The following CCDC68 variants were observed in gnomAD, a reference collection of about 807,000 sequenced individuals.
CCDC68 encodes coiled-coil domain containing 68.
CCDC68 carries 45 observed loss-of-function variants against 47.1 expected under a neutral mutation model. The ratio of observed to expected loss-of-function variants is 0.96; its 90% CI spans 0.75 to 1.23. The LOEUF (loss-of-function observed/expected upper bound fraction) is 1.23. Ranked by LOEUF, CCDC68 falls within the 50% of genes most tolerant of loss-of-function variation. CCDC68 has a pLI of 0.00. For missense variants in CCDC68, 353 were observed against 373.6 expected (o/e 0.94, Z 0.45); for synonymous variants, 131 against 129.5 (o/e 1.01, Z -0.08).
intron 1 of CCDC68, among the ~76,000 whole-genome samples, chr18:54,955,608 T>C (rs946700760): frequency 6.6e-6 from 1 of 152,192 alleles, no homozygotes; most frequent in Non-Finnish European, 1.5e-5. Context: ...AGTGGAGATA[T>C]ATAAGAAAAC....
intron 10 of CCDC68, among the ~76,000 whole-genome samples, chr18:54,914,132 T>G (rs1270657276): frequency 6.6e-6 from 1 of 152,218 alleles, no homozygotes; most frequent in Non-Finnish European, 1.5e-5. Flanking sequence ...TGACACATCA[T>G]AAACACACAA....
intron 11 of CCDC68, among the ~76,000 whole-genome samples, chr18:54,905,354 G>A (rs900030227): frequency 2.3e-5 from 2 of 88,882 alleles, no homozygotes; most frequent in Non-Finnish European, 4.8e-5. Context: ...AAGGAGGGTA[G>A]GGGAGGAAGG....
Position 54,928,902 on chromosome 18 carries a change from A to AG in CCDC68, c.601-21_601-20insC, listed in dbSNP as rs2044194313. 1 of 1,481,968 alleles carries AG rather than the reference A, an allele frequency of 6.7e-7. No homozygotes were observed. Among genetic ancestry groups the AG allele is most frequent in the Admixed American group, 1.7e-5 (1 of 59,380 alleles). The allele number at this position is 1,481,968 out of a possible 1,614,324, so 91.8% of individuals were successfully genotyped here. A position where few individuals can be genotyped will look rare whatever the true frequency, so the allele number is the denominator to read the frequency against. ...CTTTTCCTAGGAGAAAATAAGATAC[A>AG]AATTTTGCTAAACTGCATGTGTATG... On this transcript the variant is annotated intron_variant, in intron 7 of 11. Coordinates refer to ENST00000591504, the MANE Select transcript of CCDC68 (RefSeq NM_025214.3).
At chr18:54,950,069 G>T (rs891259459) in intron 1 of CCDC68, among the ~76,000 whole-genome samples, 1 of 152,044 alleles carries the variant, frequency 6.6e-6, no homozygotes, top group African/African-American at 2.4e-5. Context: ...ATCAATTCCG[G>T]TAGCTGCTCT....
chr18:54,924,654 GA>G (rs1400144344), intron 8 of CCDC68, among the ~76,000 whole-genome samples: 1 of 152,188 alleles, frequency 6.6e-6, no homozygotes, highest in Non-Finnish European at 1.5e-5. Flanking sequence ...AATGTGAAAA[GA>G]AATTACTTTG....
chr18:54,957,049 T>C (rs997504320), intron 1 of CCDC68, among the ~76,000 whole-genome samples: 1 of 152,220 alleles, frequency 6.6e-6, no homozygotes, highest in Non-Finnish European at 1.5e-5. Flanking sequence ...TATAATTTAA[T>C]GGATAGATGT....
Position 54,941,010 on chromosome 18 carries a change from T to C in CCDC68, c.191A>G (p.Lys64Arg), listed in dbSNP as rs779228856. 1.2e-6 allele frequency: 2 copies of C among 1,607,670 alleles called. No individual in the cohort carries two copies. The highest frequency in any genetic ancestry group is 1.7e-5 in the Admixed American group (1 of 59,896). The change falls in exon 4 of 12, where the codon AAA (lysine) becomes AGA (arginine). Residue 64 changes from lysine to arginine, a missense_variant. By Grantham distance (26) the Lys-to-Arg change is conservative. Transcript: ENST00000591504. The part of the protein sequence containing the change: ...DEIRHDSTNH[K>R]LDAKHCGNLQ... ...GGAAATTATTACCTTTGCATCTAGT[T>C]TGTGATTTGTACTGTCATGTCTTAT... is the stretch of plus-strand genomic sequence containing the variant.
chr18:54,911,195 G>A (rs115036620), intron 10 of CCDC68, among the ~76,000 whole-genome samples: 2,918 of 150,194 alleles, frequency 0.019, 98 homozygotes, highest in African/African-American at 0.066. Context: ...TTACAAGCAC[G>A]TGCTACCACA....
chr18:54,904,267 T>C lies in CCDC68; in HGVS notation c.*91A>G. The C allele has an allele frequency of 1.0e-6, 1 of 978,848 alleles. No homozygotes were observed. The highest frequency in any genetic ancestry group is 1.6e-6 in the Non-Finnish European group (1 of 619,688). 60.6% of individuals were successfully genotyped at this position (978,848 alleles called of 1,614,324 possible). Reference sequence around the variant, plus strand: ...AATAAGTTCCATTTAAATAATGGCATTTTGCCATTTTAACATGAAACTTGG... The same window carrying C: ...AATAAGTTCCATTTAAATAATGGCACTTTGCCATTTTAACATGAAACTTGG... On this transcript the variant is annotated 3_prime_UTR_variant, in exon 12 of 12. Transcript: ENST00000591504.
At position 54,942,699 on chromosome 18, in the gene CCDC68, A is replaced by G. The variant is rs373635177; in HGVS notation, c.93T>C (p.Ile31=). Residue 31 remains isoleucine (I), a synonymous_variant, in exon 3 of 12, where the codon ATT becomes ATC. Coordinates refer to ENST00000591504, the MANE Select transcript of CCDC68 (RefSeq NM_025214.3). The part of the protein sequence containing the change: ...ALYESTSAHI[I]EETEYVKKIR... ...CCTTTTTCACATACTCGGTTTCTTCAATAATGTGAGCGGACGTAGACTCAT... is the reference window on the plus strand; with the variant it reads ...CCTTTTTCACATACTCGGTTTCTTCGATAATGTGAGCGGACGTAGACTCAT... The G allele has an allele frequency of 6.2e-7, 1 of 1,603,830 alleles. No individual in the cohort carries two copies. The highest frequency in any genetic ancestry group is 1.1e-5 in the South Asian group (1 of 89,998).
At chr18:54,909,440 G>C (rs574717788) in intron 10 of CCDC68, among the ~76,000 whole-genome samples, 1 of 150,710 alleles carries the variant, frequency 6.6e-6, no homozygotes, top group South Asian at 2.1e-4. Context: ...GGAGTGCAGT[G>C]GCGCGATCTC....
At chr18:54,908,696 A>T (rs914736876) in intron 10 of CCDC68, among the ~76,000 whole-genome samples, 12 of 152,190 alleles carry the variant, frequency 7.9e-5, no homozygotes, top group Admixed American at 5.2e-4. Flanking sequence ...TTAAGAGTAA[A>T]GGCAATTGGT....
intron 9 of CCDC68, 148 bp downstream of exon 9, chr18:54,919,123 A>G (rs1319055234): frequency 1.6e-6 from 1 of 631,676 alleles, no homozygotes; most frequent in East Asian, 2.7e-5. Flanking sequence ...GGCATTGAAA[A>G]CAGAGACATA....
At chr18:54,906,113 GC>G (rs1325183120) in intron 11 of CCDC68, among the ~76,000 whole-genome samples, 2 of 152,028 alleles carry the variant, frequency 1.3e-5, no homozygotes, top group African/African-American at 4.8e-5. Flanking sequence ...TAAATGTAAT[GC>G]ACTTGAATCA....
At chr18:54,935,875 A>AAC (rs555840220) in intron 6 of CCDC68, among the ~76,000 whole-genome samples, 5 of 151,656 alleles carry the variant, frequency 3.3e-5, no homozygotes, top group Non-Finnish European at 7.4e-5. Context: ...AATTTTGGCA[A>AAC]ACACACACAC....
chr18:54,944,729 AAATTCAAAAG>A (rs1449553437), intron 2 of CCDC68, among the ~76,000 whole-genome samples: 1 of 152,242 alleles, frequency 6.6e-6, no homozygotes, highest in African/African-American at 2.4e-5. Flanking sequence ...TCCAGCTAAT[AAATTCAAAAG>A]GAGAGATAAA....
chr18:54,916,635 G>A (rs576553449), intron 10 of CCDC68, among the ~76,000 whole-genome samples: 2 of 152,272 alleles, frequency 1.3e-5, no homozygotes, highest in East Asian at 3.9e-4. Context: ...ATGGAATGAG[G>A]TGGAGGTGCT....
chr18:54,925,811 A>G lies in CCDC68; in HGVS notation c.683+2989T>C, dbSNP rs367642945. Among the ~76,000 whole-genome samples the G allele has an allele frequency of 3.3e-5, 5 of 152,354 alleles. No individual in the cohort carries two copies. In the East Asian group the frequency reaches 5.8e-4, roughly 18 times the overall value. On this transcript the variant is annotated intron_variant, in intron 8 of 11. Transcript: ENST00000591504. ...GCCCCCAGTGGAATAAAGGATAACT[A>G]GGGACCACAACCACAAGAAGAGAAG...
intron 10 of CCDC68, 76 bp downstream of exon 10, chr18:54,917,837 A>G: frequency 1.6e-6 from 1 of 638,280 alleles, no homozygotes; most frequent in Non-Finnish European, 2.6e-6. Context: ...CCTCACGTGC[A>G]CAGACACACA....
Sources: gnomAD v4.1 joint callset for allele counts (sites outside exome capture counted in the v4.1 genomes callset) on GRCh38, gnomAD v4.1.1 for gene constraint, MANE v1.5 for transcripts, NCBI Gene and HGNC (gene_info 2026-07-23, HGNC 2026-07-21) for gene names.